Variants in SLC4A10 observed in about 807,000 individuals in gnomAD.
The protein encoded by SLC4A10 is sodium-driven chloride bicarbonate exchanger.
SLC4A10 carries 42 observed loss-of-function variants against 137.7 expected under a neutral mutation model. The observed-to-expected ratio is 0.30, with a 90% CI of 0.24 to 0.39. The LOEUF (loss-of-function observed/expected upper bound fraction) is 0.39. SLC4A10 is among the 10% of genes least tolerant of loss of function. The pLI, the probability that SLC4A10 is intolerant of heterozygous loss-of-function variation, is 1.00. For missense variants in SLC4A10, 925 were observed against 1,355.0 expected (o/e 0.68, Z 4.98); for synonymous variants, 474 against 464.1 (o/e 1.02, Z -0.27).
chr2:161,693,572 A>C (rs992056315), intron 1 of SLC4A10, among the ~76,000 whole-genome samples: 1 of 151,870 alleles, frequency 6.6e-6, no homozygotes, highest in African/African-American at 2.4e-5. Context: ...AATAAATGAA[A>C]AATCAAAGTT....
chr2:161,724,539 A>AG (rs1462100255), intron 1 of SLC4A10, among the ~76,000 whole-genome samples: 14 of 152,208 alleles, frequency 9.2e-5, no homozygotes, highest in African/African-American at 3.4e-4. Flanking sequence ...TCTTTAGTGC[A>AG]GCGTGCTATG....
At chr2:161,631,413 G>T (rs2033532503) in intron 1 of SLC4A10, among the ~76,000 whole-genome samples, 1 of 151,660 alleles carries the variant, frequency 6.6e-6, no homozygotes, top group Non-Finnish European at 1.5e-5. Context: ...TATAAATTAA[G>T]AAGAGGGCAA....
At chr2:161,979,147 T>TA (rs1436520381) in intron 26 of SLC4A10, among the ~76,000 whole-genome samples, 1 of 152,208 alleles carries the variant, frequency 6.6e-6, no homozygotes, top group Non-Finnish European at 1.5e-5. Context: ...AACAAACCTG[T>TA]AAAAAATTTT....
intron 3 of SLC4A10, among the ~76,000 whole-genome samples, chr2:161,805,268 C>T (rs13391188): frequency 6.6e-6 from 1 of 152,128 alleles, no homozygotes; most frequent in African/African-American, 2.4e-5. Flanking sequence ...TGGGTCCCTC[C>T]CACAACACAT....
chr2:161,781,204 T>G (rs1302807983), intron 2 of SLC4A10, among the ~76,000 whole-genome samples: 2 of 152,108 alleles, frequency 1.3e-5, no homozygotes, highest in Non-Finnish European at 2.9e-5. Context: ...AACTACATTT[T>G]TCTAATCAAC....
intron 19 of SLC4A10, among the ~76,000 whole-genome samples, chr2:161,956,602 C>T (rs1394679584): frequency 3.3e-5 from 5 of 152,128 alleles, no homozygotes; most frequent in Non-Finnish European, 7.4e-5. Flanking sequence ...TCCTAGGAGG[C>T]ACTTAGTTTG....
intron 16 of SLC4A10, among the ~76,000 whole-genome samples, chr2:161,944,165 A>G (rs1264742686): frequency 6.6e-6 from 1 of 151,854 alleles, no homozygotes; most frequent in Non-Finnish European, 1.5e-5. Context: ...TTTAAACTGA[A>G]CAATAAAAGA....
chr2:161,933,193 TTC>T (rs1436047857), intron 15 of SLC4A10, among the ~76,000 whole-genome samples: 1 of 89,978 alleles, frequency 1.1e-5, no homozygotes, highest in African/African-American at 4.2e-5. Context: ...TTTTCTTTCT[TTC>T]TTTCTTTCTT....
chr2:161,923,495 A>G (rs1688505763), intron 15 of SLC4A10, among the ~76,000 whole-genome samples: 1 of 152,172 alleles, frequency 6.6e-6, no homozygotes, highest in Admixed American at 6.5e-5. Flanking sequence ...ATATTAATTC[A>G]TTTAATTTTA....
intron 6 of SLC4A10, among the ~76,000 whole-genome samples, chr2:161,867,737 G>A (rs1474416165): frequency 1.3e-5 from 2 of 151,906 alleles, no homozygotes; most frequent in Non-Finnish European, 2.9e-5. Flanking sequence ...CACCTAATCA[G>A]CATTTTCTAA....
intron 3 of SLC4A10, among the ~76,000 whole-genome samples, chr2:161,817,739 T>C (rs62187693): frequency 0.063 from 9,568 of 151,194 alleles, 396 homozygotes; most frequent in East Asian, 0.14. Flanking sequence ...AATAGGGAAT[T>C]CTTTCCCCAT....
intron 3 of SLC4A10, among the ~76,000 whole-genome samples, chr2:161,815,375 G>A (rs774306192): frequency 2.6e-5 from 4 of 152,026 alleles, no homozygotes; most frequent in Non-Finnish European, 4.4e-5. Flanking sequence ...CTCTTTGCTC[G>A]CTCGCTCTTC....
chr2:161,759,312 T>TA (rs1327907936), intron 1 of SLC4A10, among the ~76,000 whole-genome samples: 15 of 151,996 alleles, frequency 9.9e-5, no homozygotes, highest in Admixed American at 5.3e-4. Flanking sequence ...CATACATAGT[T>TA]ACGTGTGTGT....
chr2:161,944,127 T>C (rs779062882), intron 16 of SLC4A10, among the ~76,000 whole-genome samples: 2 of 151,874 alleles, frequency 1.3e-5, no homozygotes. Context: ...AAAATAACAT[T>C]GCCAGTCTGC....
At chr2:161,730,295 A>G (rs956182454) in intron 1 of SLC4A10, among the ~76,000 whole-genome samples, 1 of 152,214 alleles carries the variant, frequency 6.6e-6, no homozygotes, top group Admixed American at 6.5e-5. Context: ...AGGAAGGACT[A>G]GAATTAGTTA....
chr2:161,644,762 A>T (rs1329335125), intron 1 of SLC4A10, among the ~76,000 whole-genome samples: 1 of 152,196 alleles, frequency 6.6e-6, no homozygotes, highest in East Asian at 1.9e-4. Context: ...TGTTCTAGAG[A>T]TATCTTGTAG....
intron 2 of SLC4A10, among the ~76,000 whole-genome samples, chr2:161,801,395 T>C (rs1367260371): frequency 2.6e-5 from 4 of 152,100 alleles, no homozygotes; most frequent in Non-Finnish European, 4.4e-5. Flanking sequence ...ATTTCTCTTA[T>C]CTTTCTATTT....
chr2:161,741,015 C>T (rs1236162447), intron 1 of SLC4A10, among the ~76,000 whole-genome samples: 2 of 152,054 alleles, frequency 1.3e-5, no homozygotes, highest in South Asian at 2.1e-4. Flanking sequence ...TACAATGGCT[C>T]ACACCTGTAA....
intron 1 of SLC4A10, among the ~76,000 whole-genome samples, chr2:161,731,153 T>C (rs1403149260): frequency 6.6e-6 from 1 of 152,126 alleles, no homozygotes; most frequent in African/African-American, 2.4e-5. Flanking sequence ...ATTCTGAGAG[T>C]AAATGTGAAT....
Sources: allele counts gnomAD v4.1 joint callset (sites outside exome capture counted in the v4.1 genomes callset), GRCh38; gene constraint gnomAD v4.1.1; transcripts MANE v1.5; gene names NCBI Gene and HGNC (gene_info 2026-07-23, HGNC 2026-07-21).